SETBP1: variants seen among roughly 807,000 people sequenced by gnomAD.
SETBP1 encodes the protein SET-binding protein.
Under a neutral mutation model 101.0 loss-of-function variants are expected in SETBP1, and 9 were observed. The ratio of observed to expected loss-of-function variants is 0.09; its 90% CI spans 0.05 to 0.16. The LOEUF is 0.16. Among genes scored for constraint, SETBP1 ranks in the 10% least tolerant of loss-of-function variants. The probability of loss-of-function intolerance (pLI) is 1.00; values close to 1 mark genes in which losing one functional copy is unlikely to be tolerated. For synonymous variants in SETBP1, 818 were observed against 788.5 expected (o/e 1.04, Z -0.63); for missense variants, 1,858 against 2,033.8 (o/e 0.91, Z 1.66).
chr18:44,973,374 A>C (rs2071912490), intron 4 of SETBP1, among the ~76,000 whole-genome samples: 1 of 152,196 alleles, frequency 6.6e-6, no homozygotes, highest in South Asian at 2.1e-4. Flanking sequence ...CTTTGGTATC[A>C]GGATAATGCT....
intron 2 of SETBP1, among the ~76,000 whole-genome samples, chr18:44,724,804 G>T (rs2069671421): frequency 6.6e-6 from 1 of 152,138 alleles, no homozygotes; most frequent in South Asian, 2.1e-4. Context: ...GCAGACAAGT[G>T]GCAAATTCCT....
At position 44,954,432 on chromosome 18, in the gene SETBP1, T is replaced by C. The variant is rs57215869; in HGVS notation, c.4000+1092T>C. Among the ~76,000 whole-genome samples, 540 of 151,296 alleles carry C rather than the reference T, an allele frequency of 3.6e-3. 3 individuals carry two copies. Among genetic ancestry groups the C allele is most frequent in the African/African-American group, 0.012 (514 of 41,168 alleles). ...CCTGGCTTTAAAAACCAATCATCCA[T>C]GTTTAAGGTTTGGTGTAGCATTTCA... On this transcript the variant is annotated intron_variant, in intron 4 of 5. Coordinates refer to ENST00000649279, the MANE Select transcript of SETBP1 (RefSeq NM_015559.3).
At position 44,951,654 on chromosome 18, in the gene SETBP1, TCAC is replaced by T; in HGVS notation, c.2317_2319del (p.Pro773del). ...CAACTTTCAGTCACTTGTGGCGTCT[TCAC>T]CAGCAGCTATGCACCCACTTTCAAC... On this transcript the variant is annotated inframe_deletion, in exon 4 of 6. Coordinates refer to ENST00000649279, the MANE Select transcript of SETBP1 (RefSeq NM_015559.3). This position sits in a 1 kb window ranked among gnomAD's most constrained non-coding sequence, Gnocchi z 7.8. The T allele has an allele frequency of 6.2e-7, 1 of 1,614,114 alleles. No individual in the cohort carries two copies. Among genetic ancestry groups the T allele is most frequent in the Non-Finnish European group, 8.5e-7 (1 of 1,180,020 alleles).
intron 3 of SETBP1, among the ~76,000 whole-genome samples, chr18:44,883,288 G>C (rs1282094814): frequency 6.6e-5 from 10 of 152,184 alleles, no homozygotes; most frequent in Non-Finnish European, 1.5e-4. Context: ...GTGATCCTTT[G>C]TCTGCCCTCT....
chr18:44,837,110 C>A (rs1206489681), intron 2 of SETBP1, among the ~76,000 whole-genome samples: 1 of 152,224 alleles, frequency 6.6e-6, no homozygotes, highest in Non-Finnish European at 1.5e-5. Context: ...TCATAACCAG[C>A]AGTGCTGGTG....
At chr18:44,858,893 C>A (rs1386725869) in intron 2 of SETBP1, among the ~76,000 whole-genome samples, 1 of 152,126 alleles carries the variant, frequency 6.6e-6, no homozygotes, top group East Asian at 1.9e-4. Context: ...TAATTGCCCA[C>A]CTATATGATC....
intron 3 of SETBP1, among the ~76,000 whole-genome samples, chr18:44,906,872 G>C (rs914429947): frequency 6.6e-6 from 1 of 152,140 alleles, no homozygotes; most frequent in Non-Finnish European, 1.5e-5. Context: ...AAAAAGGTAT[G>C]ACTACATGCC....
rs2069217189 is a variant in SETBP1, at chr18:44,869,402, C to T, written c.540+119C>T. ...CGAACCTTGGATTTCTAGCTTCTTT[C>T]CCTAGCTAACTGACAATGACCTGGT... On this transcript the variant is annotated intron_variant, in intron 3 of 5. Coordinates refer to ENST00000649279, the MANE Select transcript of SETBP1 (RefSeq NM_015559.3). The T allele has an allele frequency of 6.7e-6, 6 of 899,410 alleles. No homozygotes were observed. The East Asian group carries it at 1.5e-4, about 23-fold the overall frequency. The allele number at this position is 899,410 out of a possible 1,614,324, so 55.7% of individuals were successfully genotyped here. A position where few individuals can be genotyped will look rare whatever the true frequency, so the allele number is the denominator to read the frequency against.
At chr18:44,752,580 G>T (rs1259870386) in intron 2 of SETBP1, among the ~76,000 whole-genome samples, 5 of 152,176 alleles carry the variant, frequency 3.3e-5, no homozygotes, top group Non-Finnish European at 7.4e-5. Context: ...GTCATCTAAA[G>T]AAATGAGTAT....
chr18:44,846,296 T>C (rs1264986218), intron 2 of SETBP1, among the ~76,000 whole-genome samples: 2 of 152,218 alleles, frequency 1.3e-5, no homozygotes, highest in African/African-American at 4.8e-5. Flanking sequence ...TACTACAAAA[T>C]TCACTCTTAA....
chr18:44,950,100 C>T lies in SETBP1; in HGVS notation c.760C>T (p.Leu254Phe). 1 of 1,614,156 alleles carries T rather than the reference C, an allele frequency of 6.2e-7. No individual in the cohort carries two copies. ...ETASTSKIPA[L>F]EPVASFAKAQ... Reference sequence around the variant, plus strand: ...TGCAAGCACCAGCAAGATCCCCGCTCTTGAGCCCGTGGCTTCCTTTGCAAA... The same window carrying T: ...TGCAAGCACCAGCAAGATCCCCGCTTTTGAGCCCGTGGCTTCCTTTGCAAA... Residue 254 changes from leucine to phenylalanine, a missense_variant, in exon 4 of 6, where the codon CTT (leucine) becomes TTT (phenylalanine). Around this residue, in one of 12 missense-constraint regions of SETBP1, gnomAD observed 581 missense variants for 535.1 expected, o/e 1.09. Transcript: ENST00000649279.
At chr18:44,925,211 G>A (rs1423639539) in intron 3 of SETBP1, among the ~76,000 whole-genome samples, 1 of 151,310 alleles carries the variant, frequency 6.6e-6, no homozygotes, top group African/African-American at 2.4e-5. Context: ...CTCCAAAAAT[G>A]TATGTTTTTT....
intron 3 of SETBP1, among the ~76,000 whole-genome samples, chr18:44,943,993 C>T (rs1051210503): frequency 1.3e-5 from 2 of 151,898 alleles, no homozygotes; most frequent in Non-Finnish European, 2.9e-5. Context: ...CGCCATGATA[C>T]CCATCTAATT....
chr18:44,799,741 G>A (rs919095671), intron 2 of SETBP1, among the ~76,000 whole-genome samples: 2 of 152,132 alleles, frequency 1.3e-5, no homozygotes, highest in African/African-American at 4.8e-5. Context: ...TTTGGTTAAG[G>A]ACACAGCTAG....
chr18:44,902,931 A>T (rs1214455407), intron 3 of SETBP1, among the ~76,000 whole-genome samples: 1 of 152,040 alleles, frequency 6.6e-6, no homozygotes, highest in Non-Finnish European at 1.5e-5. Flanking sequence ...ATGGCTATTA[A>T]ATACTATATA....
At chr18:44,900,344 A>G (rs186297820) in intron 3 of SETBP1, among the ~76,000 whole-genome samples, 1 of 152,312 alleles carries the variant, frequency 6.6e-6, no homozygotes. Context: ...AAGAATGTCA[A>G]ACTAAATTGG....
At chr18:44,837,836 T>C (rs2072530043) in intron 2 of SETBP1, among the ~76,000 whole-genome samples, 1 of 152,270 alleles carries the variant, frequency 6.6e-6, no homozygotes, top group Non-Finnish European at 1.5e-5. Context: ...AAAGGATGTT[T>C]TGATTATCTG....
At chr18:44,948,359 T>G (rs921737280) in intron 3 of SETBP1, among the ~76,000 whole-genome samples, 1 of 152,212 alleles carries the variant, frequency 6.6e-6, no homozygotes, top group African/African-American at 2.4e-5. Context: ...GTTTCATGAC[T>G]GCATTGAATT....
intron 2 of SETBP1, among the ~76,000 whole-genome samples, chr18:44,727,448 G>A (rs148488192): frequency 7.8e-4 from 119 of 152,216 alleles, no homozygotes; most frequent in African/African-American, 2.7e-3. Flanking sequence ...TGCTTTCACG[G>A]CAGCCTTTTC....
Sources: allele counts gnomAD v4.1 joint callset (sites outside exome capture counted in the v4.1 genomes callset), GRCh38; gene constraint gnomAD v4.1.1; regional missense constraint gnomAD v4.1.1; non-coding constraint Gnocchi (gnomAD v3.1); transcripts MANE v1.5; gene names NCBI Gene and HGNC (gene_info 2026-07-23, HGNC 2026-07-21).